ANO2: variants seen among roughly 807,000 people sequenced by gnomAD.
The protein encoded by ANO2 is anoctamin-2.
Under a neutral mutation model 124.2 loss-of-function variants are expected in ANO2, and 101 were observed. That is an observed-to-expected ratio of 0.81 (90% CI 0.69 to 0.96). The LOEUF (loss-of-function observed/expected upper bound fraction) is 0.96. ANO2 is among the 40% of genes least tolerant of loss of function. The pLI, the probability that ANO2 is intolerant of heterozygous loss-of-function variation, is 0.00. For missense variants in ANO2, 1,293 were observed against 1,274.5 expected (o/e 1.01, Z -0.22); for synonymous variants, 486 against 482.5 (o/e 1.01, Z -0.09).
rs541857805 is a variant in ANO2, at chr12:5,574,189, G to A, written c.2621+1645C>T. 3.3e-5 allele frequency among the ~76,000 whole-genome samples: 5 copies of A among 152,306 alleles called. No homozygotes were observed. The East Asian group carries it at 9.7e-4, about 29-fold the overall frequency. ...TATGAGGTAGGATCTTTGGTCAAGT[G>A]CTTTATTGGGACTATCTTTTAACCA... On this transcript the variant is annotated intron_variant, in intron 23 of 24. Coordinates refer to ENST00000682330, the MANE Select transcript of ANO2 (RefSeq NM_001364791.2).
intron 3 of ANO2, among the ~76,000 whole-genome samples, chr12:5,920,760 G>A (rs934836216): frequency 2.6e-5 from 4 of 152,064 alleles, no homozygotes; most frequent in African/African-American, 7.2e-5. Context: ...CCAGCTACTC[G>A]GGAGACTGAG....
chr12:5,811,115 G>T lies in ANO2; in HGVS notation c.893-3747C>A, dbSNP rs142436489. ...GGGACTGCAGTGCCATTCCCTCCAG[G>T]CCAAACTCAAAGGAAACTTTTATCC... On this transcript the variant is annotated intron_variant, in intron 7 of 24. Coordinates refer to ENST00000682330, the MANE Select transcript of ANO2 (RefSeq NM_001364791.2). Among the ~76,000 whole-genome samples, 3 of 152,230 alleles carry T rather than the reference G, an allele frequency of 2.0e-5. No homozygotes were observed. The East Asian group carries it at 5.8e-4, about 29-fold the overall frequency.
In ANO2 at chr12:5,900,956, A is replaced by G. The variant is rs1273645614; in HGVS notation, c.534+20084T>C. Among the ~76,000 whole-genome samples, 1 of 152,174 alleles carries G rather than the reference A, an allele frequency of 6.6e-6. No individual in the cohort carries two copies. Among genetic ancestry groups the G allele is most frequent in the African/African-American group, 2.4e-5 (1 of 41,444 alleles). ...CTTTGATGGCTTTTTGTATTCATCA[A>G]TTCAGACGTTCTCCTGGGGAGGGCC... On this transcript the variant is annotated intron_variant, in intron 3 of 24. Coordinates refer to ENST00000682330, the MANE Select transcript of ANO2 (RefSeq NM_001364791.2). This position sits in a 1 kb window ranked among gnomAD's most constrained non-coding sequence, Gnocchi z 4.2.
At chr12:5,826,936 A>G (rs76915604) in intron 7 of ANO2, among the ~76,000 whole-genome samples, 9,107 of 152,262 alleles carry the variant, frequency 0.06, 361 homozygotes, top group East Asian at 0.19. Context: ...GCCATCCCAG[A>G]GCGCATTCTG....
chr12:5,653,920 C>T (rs1017728451), intron 14 of ANO2, among the ~76,000 whole-genome samples: 7 of 152,132 alleles, frequency 4.6e-5, no homozygotes, highest in African/African-American at 1.2e-4. Context: ...GCACCATATG[C>T]AAAAGCATGG....
intron 24 of ANO2, 95 bp downstream of exon 24, chr12:5,565,463 C>T: frequency 9.2e-7 from 1 of 1,086,824 alleles, no homozygotes; most frequent in Non-Finnish European, 1.3e-6. Flanking sequence ...CACAGAGTAC[C>T]ACCGGAACCT....
At chr12:5,682,798 T>C (rs1948554038) in intron 14 of ANO2, among the ~76,000 whole-genome samples, 2 of 152,198 alleles carry the variant, frequency 1.3e-5, no homozygotes, top group African/African-American at 2.4e-5. Context: ...AAACTGTGGA[T>C]CTGAACCTTT....
chr12:5,921,980 C>T (rs1941728827), intron 2 of ANO2, among the ~76,000 whole-genome samples: 1 of 152,148 alleles, frequency 6.6e-6, no homozygotes, highest in African/African-American at 2.4e-5. Context: ...GAACAAAGAC[C>T]AATTTCTAGT....
At chr12:5,832,178 G>A (rs1003742669) in intron 5 of ANO2, among the ~76,000 whole-genome samples, 13 of 152,178 alleles carry the variant, frequency 8.5e-5, no homozygotes, top group Admixed American at 7.9e-4. Flanking sequence ...GTTTATTGTT[G>A]GCTGCTCCCT....
At chr12:5,767,772 G>C (rs758986252) in intron 10 of ANO2, among the ~76,000 whole-genome samples, 2 of 152,196 alleles carry the variant, frequency 1.3e-5, no homozygotes, top group African/African-American at 2.4e-5. Flanking sequence ...CTAGGTGCAG[G>C]TGGAACTGAA....
At chr12:5,617,982 G>A (rs1315454646) in intron 16 of ANO2, among the ~76,000 whole-genome samples, 1 of 152,206 alleles carries the variant, frequency 6.6e-6, no homozygotes, top group Non-Finnish European at 1.5e-5. Context: ...TTATTTGAGA[G>A]GGGCTCCCAG....
At chr12:5,709,699 G>T (rs1018600801) in intron 14 of ANO2, among the ~76,000 whole-genome samples, 2 of 152,208 alleles carry the variant, frequency 1.3e-5, no homozygotes, top group Non-Finnish European at 2.9e-5. Flanking sequence ...ATCCCTTTGA[G>T]AGTCTATTCA....
intron 3 of ANO2, among the ~76,000 whole-genome samples, chr12:5,892,852 A>T (rs1939503621): frequency 6.6e-6 from 1 of 152,236 alleles, no homozygotes; most frequent in Non-Finnish European, 1.5e-5. Context: ...GAAAAATGTT[A>T]ACTGTCTGTG....
chr12:5,761,197 C>T (rs555417319), intron 10 of ANO2, among the ~76,000 whole-genome samples: 1 of 152,112 alleles, frequency 6.6e-6, no homozygotes, highest in South Asian at 2.1e-4. Context: ...TTCTTCCAGT[C>T]CCTTGGAATT....
At position 5,723,344 on chromosome 12, in the gene ANO2, T is replaced by C. The variant is rs187079372; in HGVS notation, c.1545+9176A>G. Among the ~76,000 whole-genome samples the C allele has an allele frequency of 5.9e-5, 9 of 152,336 alleles. No individual in the cohort carries two copies. The East Asian group carries it at 1.7e-3, about 29-fold the overall frequency. ...AGGACTGTATTTCCCTGCCTTCTGC[T>C]CATCCAGGTGGAGCCTTGTGGCTGG... On this transcript the variant is annotated intron_variant, in intron 14 of 24. Transcript: ENST00000682330.
intron 15 of ANO2, among the ~76,000 whole-genome samples, chr12:5,637,736 CT>C (rs1565504916): frequency 6.6e-6 from 1 of 152,198 alleles, no homozygotes; most frequent in South Asian, 2.1e-4. Flanking sequence ...AGCCCCACCC[CT>C]GGCACACCTC....
intron 21 of ANO2, 109 bp from the exon 22 acceptor site, chr12:5,578,116 TG>T (rs2136841522): frequency 4.3e-6 from 6 of 1,393,318 alleles, no homozygotes; most frequent in Non-Finnish European, 5.0e-6. Context: ...GCAGCTTTGC[TG>T]GGCCCCCCCA....
chr12:5,832,621 A>C lies in ANO2; in HGVS notation c.634-18T>G. Reference sequence around the variant, plus strand: ...TCGTACATCTATGAAAGGAAGAGCCACAGGTCTGAAAAGGGGGCCACTTCC... The same window carrying C: ...TCGTACATCTATGAAAGGAAGAGCCCCAGGTCTGAAAAGGGGGCCACTTCC... On this transcript the variant is annotated intron_variant, in intron 4 of 24. Transcript: ENST00000682330. The C allele has an allele frequency of 6.2e-7, 1 of 1,603,204 alleles. No homozygotes were observed. The highest frequency in any genetic ancestry group is 8.5e-7 in the Non-Finnish European group (1 of 1,174,734).
chr12:5,798,351 C>T (rs1008023539), intron 10 of ANO2, among the ~76,000 whole-genome samples: 1 of 152,120 alleles, frequency 6.6e-6, no homozygotes, highest in Non-Finnish European at 1.5e-5. Context: ...AGACATCCAA[C>T]CAAGCTCTGT....
Sources: gnomAD v4.1 joint callset for allele counts (sites outside exome capture counted in the v4.1 genomes callset) on GRCh38, gnomAD v4.1.1 for gene constraint, Gnocchi (gnomAD v3.1) non-coding constraint, MANE v1.5 for transcripts, NCBI Gene and HGNC (gene_info 2026-07-23, HGNC 2026-07-21) for gene names.